DNAH11: variants seen among roughly 807,000 people sequenced by gnomAD.
DNAH11 encodes the protein dynein axonemal heavy chain 11, also known as axonemal beta dynein heavy chain 11.
DNAH11 carries 442 observed loss-of-function variants against 526.0 expected under a neutral mutation model. The ratio of observed to expected loss-of-function variants is 0.84; its 90% CI spans 0.78 to 0.91. The LOEUF is 0.91. Among genes scored for constraint, DNAH11 ranks in the 40% least tolerant of loss-of-function variants. DNAH11 has a pLI of 0.00. For missense variants in DNAH11, 6,989 were observed against 5,448.7 expected (o/e 1.28, Z -8.90); for synonymous variants, 2,461 against 1,935.9 (o/e 1.27, Z -7.12).
At chr7:21,757,346 C>T (rs1172094896) in intron 54 of DNAH11, among the ~76,000 whole-genome samples, 1 of 152,086 alleles carries the variant, frequency 6.6e-6, no homozygotes, top group African/African-American at 2.4e-5. Flanking sequence ...AAATGTTGGC[C>T]TGAGGTATTT....
intron 5 of DNAH11, among the ~76,000 whole-genome samples, chr7:21,563,673 A>T (rs1356797919): frequency 6.6e-6 from 1 of 152,178 alleles, no homozygotes; most frequent in Non-Finnish European, 1.5e-5. Flanking sequence ...CACTGTACTT[A>T]ACAATTTTAA....
intron 65 of DNAH11, among the ~76,000 whole-genome samples, chr7:21,824,335 C>A (rs1790183287): frequency 6.6e-6 from 1 of 152,140 alleles, no homozygotes; most frequent in Non-Finnish European, 1.5e-5. Context: ...TCTGCCTCCA[C>A]TTCCAAAGGT....
At chr7:21,797,995 A>C (rs1022104089) in intron 61 of DNAH11, among the ~76,000 whole-genome samples, 2 of 152,244 alleles carry the variant, frequency 1.3e-5, no homozygotes, top group Non-Finnish European at 2.9e-5. Context: ...AGGTATTACT[A>C]GGAGTAGTCC....
At chr7:21,695,315 G>C (rs1243251146) in intron 35 of DNAH11, among the ~76,000 whole-genome samples, 1 of 152,098 alleles carries the variant, frequency 6.6e-6, no homozygotes, top group Non-Finnish European at 1.5e-5. Context: ...AATAAAGCTG[G>C]AGGCATCACA....
chr7:21,820,268 G>A (rs1315552906), intron 65 of DNAH11, among the ~76,000 whole-genome samples: 1 of 152,106 alleles, frequency 6.6e-6, no homozygotes, highest in Non-Finnish European at 1.5e-5. Flanking sequence ...CTGCACTTGA[G>A]GAAGCTACAC....
chr7:21,765,610 T>TCAGACACA lies in DNAH11; in HGVS notation c.9102+23_9102+24insGACACACA, dbSNP rs71557520. ...TTGAGGTATGCCGTGTCAGCCTGCGTCACACACACACACACACACACACAC... is the reference window on the plus strand; with the variant it reads ...TTGAGGTATGCCGTGTCAGCCTGCGTCAGACACACACACACACACACACACACACACAC... On this transcript the variant is annotated intron_variant, in intron 55 of 81. Transcript: ENST00000409508. 1.9e-4 allele frequency: 179 copies of TCAGACACA among 956,494 alleles called. No individual in the cohort carries two copies. The African/African-American group carries it at 2.6e-3, about 14-fold the overall frequency. 59.3% of individuals were successfully genotyped at this position (956,494 alleles called of 1,614,324 possible). A position where few individuals can be genotyped will look rare whatever the true frequency, so the allele number is the denominator to read the frequency against.
At chr7:21,630,913 A>G (rs899461683) in intron 25 of DNAH11, among the ~76,000 whole-genome samples, 3 of 152,120 alleles carry the variant, frequency 2.0e-5, no homozygotes, top group Non-Finnish European at 4.4e-5. Context: ...GACAATCTTC[A>G]CTGCTTTTCA....
chr7:21,635,370 T>C (rs566032989), intron 25 of DNAH11, among the ~76,000 whole-genome samples: 1 of 152,132 alleles, frequency 6.6e-6, no homozygotes, highest in Non-Finnish European at 1.5e-5. Flanking sequence ...GTTAGCCAGG[T>C]TGGTCTCAAT....
At chr7:21,544,019 A>G (rs1390183586) in intron 1 of DNAH11, among the ~76,000 whole-genome samples, 2 of 152,148 alleles carry the variant, frequency 1.3e-5, no homozygotes, top group East Asian at 3.9e-4. Context: ...ACGTATTTTG[A>G]TTACGTGCCA....
At chr7:21,833,491 A>C (rs962678109) in intron 65 of DNAH11, among the ~76,000 whole-genome samples, 5 of 152,166 alleles carry the variant, frequency 3.3e-5, no homozygotes, top group Admixed American at 3.3e-4. Context: ...TCAGGAGTTC[A>C]AGACCAGCCT....
In DNAH11 at chr7:21,601,137, G is replaced by T. The variant is rs191341734; in HGVS notation, c.3383G>T (p.Ser1128Ile). 56 of 1,607,998 alleles carry T rather than the reference G, an allele frequency of 3.5e-5. No individual in the cohort carries two copies. Residue 1128 changes from serine (S) to isoleucine (I), a missense_variant, in exon 17 of 82, where the codon AGC (serine) becomes ATC (isoleucine). Physicochemically the swap from Ser to Ile is moderately radical, Grantham distance 142 (BLOSUM62 -2). Coordinates refer to ENST00000409508, the MANE Select transcript of DNAH11 (RefSeq NM_001277115.2). ...TTGTTAACCATAATTAAGAAATGGAGCTGGATGTTTCAGGAGCATCTTTTG... is the reference window on the plus strand; with the variant it reads ...TTGTTAACCATAATTAAGAAATGGATCTGGATGTTTCAGGAGCATCTTTTG... ...VSLLTIIKKW[S>I]WMFQEHLLRF...
intron 2 of DNAH11, among the ~76,000 whole-genome samples, chr7:21,545,761 C>A (rs4582451): frequency 0.037 from 5,604 of 152,266 alleles, 354 homozygotes; most frequent in African/African-American, 0.13. Context: ...TTGGTTCATT[C>A]AGTCTAGAGT....
chr7:21,716,199 T>A (rs945315454), intron 42 of DNAH11, among the ~76,000 whole-genome samples: 2 of 152,118 alleles, frequency 1.3e-5, no homozygotes, highest in Admixed American at 6.5e-5. Flanking sequence ...GGTTTTGTTA[T>A]ATCCACCAGA....
chr7:21,634,015 T>A (rs1262334900), intron 25 of DNAH11, among the ~76,000 whole-genome samples: 1 of 152,180 alleles, frequency 6.6e-6, no homozygotes, highest in Admixed American at 6.5e-5. Context: ...GGTCTTGAAT[T>A]CTAAAATTAT....
At chr7:21,888,971 C>G (rs1280048370) in intron 76 of DNAH11, among the ~76,000 whole-genome samples, 1 of 128,164 alleles carries the variant, frequency 7.8e-6, no homozygotes, top group Non-Finnish European at 1.8e-5. Context: ...GCAACCATTA[C>G]AAGTTTTAGA....
At chr7:21,644,619 A>G (rs749454972) in intron 28 of DNAH11, among the ~76,000 whole-genome samples, 15 of 152,182 alleles carry the variant, frequency 9.9e-5, no homozygotes, top group Admixed American at 3.3e-4. Flanking sequence ...AAGAAGGAGC[A>G]AAAGGACACA....
At chr7:21,851,743 CT>C (rs1353314936) in intron 66 of DNAH11, 3 of 449,562 alleles carry the variant, frequency 6.7e-6, no homozygotes, top group African/African-American at 6.1e-5. Flanking sequence ...CTGTGATTCT[CT>C]GTGTTTGCCT....
intron 28 of DNAH11, among the ~76,000 whole-genome samples, chr7:21,639,370 A>G (rs1260689537): frequency 1.3e-5 from 2 of 152,208 alleles, no homozygotes; most frequent in Non-Finnish European, 1.5e-5. Flanking sequence ...AAGAACTGGG[A>G]CATCCATTGC....
intron 45 of DNAH11, among the ~76,000 whole-genome samples, chr7:21,734,978 G>A (rs1372475831): frequency 6.6e-6 from 1 of 151,896 alleles, no homozygotes; most frequent in Non-Finnish European, 1.5e-5. Flanking sequence ...GAGACCATCT[G>A]GCTAACAAGG....
Sources: gnomAD v4.1 joint callset for allele counts (sites outside exome capture counted in the v4.1 genomes callset) on GRCh38, gnomAD v4.1.1 for gene constraint, MANE v1.5 for transcripts, NCBI Gene and HGNC (gene_info 2026-07-23, HGNC 2026-07-21) for gene names.